APP: variants seen among roughly 807,000 people sequenced by gnomAD.
APP encodes amyloid-beta precursor protein.
APP carries 31 observed loss-of-function variants against 101.4 expected under a neutral mutation model. That is an observed-to-expected ratio of 0.31 (90% confidence interval 0.23 to 0.41). The LOEUF is 0.41. Among genes scored for constraint, APP ranks in the 10% least tolerant of loss-of-function variants. APP has a pLI of 1.00. For missense variants in APP, 839 were observed against 1,003.7 expected, an observed-to-expected ratio of 0.84 and a Z score of 2.22; for synonymous variants, 366 against 364.4, an observed-to-expected ratio of 1.00 and a Z score of -0.05.
chr21:26,042,041 C>T (rs1488342497), intron 5 of APP, among the ~76,000 whole-genome samples: 1 of 152,160 alleles, frequency 6.6e-6, no homozygotes, highest in Non-Finnish European at 1.5e-5. Flanking sequence ...ATTAAATCCA[C>T]TCTTACTTGA....
At chr21:26,128,668 G>C (rs1226795189) in intron 1 of APP, among the ~76,000 whole-genome samples, 2 of 151,962 alleles carry the variant, frequency 1.3e-5, no homozygotes, top group African/African-American at 2.4e-5. Flanking sequence ...GGAGAATTCT[G>C]TCATAAAACA....
At chr21:26,081,216 T>G (rs751026951) in intron 3 of APP, among the ~76,000 whole-genome samples, 12 of 152,220 alleles carry the variant, frequency 7.9e-5, no homozygotes, top group African/African-American at 2.9e-4. Flanking sequence ...GTTGTTTCTT[T>G]ACCCACATCT....
intron 1 of APP, among the ~76,000 whole-genome samples, chr21:26,166,739 T>C (rs1458940548): frequency 6.6e-6 from 1 of 152,232 alleles, no homozygotes; most frequent in African/African-American, 2.4e-5. Context: ...GTTCATCTCA[T>C]ACTCTGCCCA....
rs767698341 is a variant in APP, at chr21:26,000,171, C to A, written c.877G>T (p.Glu293Ter). 1.9e-6 allele frequency: 3 copies of A among 1,614,216 alleles called. No homozygotes were observed. Residue 293 changes from glutamate to a stop codon, truncating the protein, a stop_gained, in exon 7 of 18, where the codon GAA becomes TAA. Coordinates refer to ENST00000346798, the MANE Select transcript of APP (RefSeq NM_000484.4). LOFTEE classifies it high-confidence loss of function. ...VEEVVREVCS[E>*]QAETGPCRAM... Reference sequence around the variant, plus strand: ...CGGCACGGCCCCGTCTCGGCTTGTTCAGAGCACACCTCTAATCAGAGGAGA... The same window carrying A: ...CGGCACGGCCCCGTCTCGGCTTGTTAAGAGCACACCTCTAATCAGAGGAGA...
At chr21:26,114,683 G>C (rs1012904631) in intron 1 of APP, among the ~76,000 whole-genome samples, 1 of 151,992 alleles carries the variant, frequency 6.6e-6, no homozygotes, top group Non-Finnish European at 1.5e-5. Flanking sequence ...GACAAACCAA[G>C]TAAATGCTTC....
chr21:25,972,704 A>C (rs141613360), intron 11 of APP, among the ~76,000 whole-genome samples: 1 of 152,144 alleles, frequency 6.6e-6, no homozygotes, highest in Non-Finnish European at 1.5e-5. Context: ...CCCAGTCTCT[A>C]AGACATTTTA....
At chr21:26,104,787 A>C (rs941387383) in intron 2 of APP, among the ~76,000 whole-genome samples, 14 of 152,238 alleles carry the variant, frequency 9.2e-5, no homozygotes, top group African/African-American at 3.4e-4. Flanking sequence ...CTGCAAAGCA[A>C]TCCTTTGGAA....
chr21:25,996,860 C>T (rs371961277), intron 8 of APP, among the ~76,000 whole-genome samples: 6 of 152,188 alleles, frequency 3.9e-5, no homozygotes, highest in African/African-American at 1.4e-4. Flanking sequence ...CCAAGCTCCC[C>T]TTTTTAAGCC....
At chr21:26,096,937 CTG>C (rs1363949055) in intron 2 of APP, among the ~76,000 whole-genome samples, 1 of 152,320 alleles carries the variant, frequency 6.6e-6, no homozygotes, top group Non-Finnish European at 1.5e-5. Context: ...ACAGACAAGA[CTG>C]GATCTGGCAG....
chr21:25,932,942 T>C (rs769178115), intron 13 of APP, among the ~76,000 whole-genome samples: 5 of 152,220 alleles, frequency 3.3e-5, no homozygotes, highest in African/African-American at 4.8e-5. Context: ...TTAAGTACCA[T>C]AGTGCTCCAA....
At chr21:26,105,379 T>C (rs1226953939) in intron 2 of APP, among the ~76,000 whole-genome samples, 1 of 152,138 alleles carries the variant, frequency 6.6e-6, no homozygotes, top group Non-Finnish European at 1.5e-5. Context: ...GAGGAGATGG[T>C]AAGATTATAA....
At chr21:25,952,012 C>T (rs185253924) in intron 13 of APP, among the ~76,000 whole-genome samples, 12 of 152,236 alleles carry the variant, frequency 7.9e-5, no homozygotes, top group African/African-American at 2.9e-4. Context: ...TTCGTTATTG[C>T]AAACTTCTCT....
At chr21:26,126,136 C>A (rs1411822828) in intron 1 of APP, among the ~76,000 whole-genome samples, 1 of 152,186 alleles carries the variant, frequency 6.6e-6, no homozygotes, top group Non-Finnish European at 1.5e-5. Flanking sequence ...AAAATTTTTT[C>A]ACAAACTTGT....
chr21:25,984,901 A>C (rs1202126249), intron 8 of APP, among the ~76,000 whole-genome samples: 1 of 152,226 alleles, frequency 6.6e-6, no homozygotes, highest in African/African-American at 2.4e-5. Context: ...GAAGATAGTC[A>C]TCTGGCTGTA....
At chr21:26,144,833 C>T (rs897393628) in intron 1 of APP, among the ~76,000 whole-genome samples, 4 of 152,170 alleles carry the variant, frequency 2.6e-5, no homozygotes, top group African/African-American at 9.7e-5. Context: ...GAGGGAGTTG[C>T]TCCTTGATGT....
At chr21:26,160,821 T>C (rs538542114) in intron 1 of APP, among the ~76,000 whole-genome samples, 10 of 152,300 alleles carry the variant, frequency 6.6e-5, no homozygotes, top group Non-Finnish European at 1.2e-4. Flanking sequence ...AGGGCATGGA[T>C]GAAATATTTC....
chr21:25,964,610 T>C (rs571534651), intron 11 of APP, among the ~76,000 whole-genome samples: 141 of 143,352 alleles, frequency 9.8e-4, no homozygotes, highest in Non-Finnish European at 4.0e-4. Flanking sequence ...TCTTTTCTTT[T>C]TTTTTTTTTT....
At chr21:25,887,640 CAT>C (rs1158240555) in intron 17 of APP, among the ~76,000 whole-genome samples, 2 of 151,066 alleles carry the variant, frequency 1.3e-5, no homozygotes, top group East Asian at 2.0e-4. Flanking sequence ...ACAGACCAAA[CAT>C]ATGATGGTGG....
chr21:26,061,748 A>G (rs971535448), intron 3 of APP, among the ~76,000 whole-genome samples: 6 of 152,260 alleles, frequency 3.9e-5, no homozygotes, highest in African/African-American at 1.4e-4. Context: ...GGGATTCTTC[A>G]GATGAGAACT....
Sources: allele counts gnomAD v4.1 joint callset (sites outside exome capture counted in the v4.1 genomes callset), GRCh38; gene constraint gnomAD v4.1.1; transcripts MANE v1.5; gene names NCBI Gene and HGNC (gene_info 2026-07-23, HGNC 2026-07-21).